SLC6A5: variants seen among roughly 807,000 people sequenced by gnomAD.
SLC6A5 encodes sodium- and chloride-dependent glycine transporter 2.
SLC6A5 carries 58 observed loss-of-function variants against 90.5 expected under a neutral mutation model. The ratio of observed to expected loss-of-function variants is 0.64; its 90% CI spans 0.52 to 0.80. The LOEUF is 0.80. SLC6A5 is among the 30% of genes least tolerant of loss of function. The pLI is 0.00. For synonymous variants in SLC6A5, 427 were observed against 401.4 expected (o/e 1.06, Z -0.76); for missense variants, 1,015 against 1,017.6 (o/e 1.00, Z 0.03).
At chr11:20,610,891 G>T (rs1427993841) in intron 5 of SLC6A5, among the ~76,000 whole-genome samples, 1 of 152,124 alleles carries the variant, frequency 6.6e-6, no homozygotes, top group Non-Finnish European at 1.5e-5. Context: ...ATCCTGCAAT[G>T]CACAGGACGG....
Position 20,608,509 on chromosome 11 carries a change from C to T in SLC6A5, c.985+857C>T, listed in dbSNP as rs558440863. 1.2e-4 allele frequency among the ~76,000 whole-genome samples: 18 copies of T among 152,348 alleles called. No homozygotes were observed. In the South Asian group the frequency reaches 3.7e-3, roughly 32 times the overall value. ...AGAAATAAAAATGTTCTTCCTCTACCTACCTTGTGGGGATTGCTGTAAGGA... is the reference window on the plus strand; with the variant it reads ...AGAAATAAAAATGTTCTTCCTCTACTTACCTTGTGGGGATTGCTGTAAGGA... On this transcript the variant is annotated intron_variant, in intron 5 of 15. Coordinates refer to ENST00000525748, the MANE Select transcript of SLC6A5 (RefSeq NM_004211.5).
chr11:20,640,687 CT>C (rs1357769649), intron 13 of SLC6A5, among the ~76,000 whole-genome samples: 13 of 84,656 alleles, frequency 1.5e-4, no homozygotes, highest in Admixed American at 8.1e-4. Flanking sequence ...GCTAACATGA[CT>C]GTTTGAGGTA....
chr11:20,650,063 C>A (rs1365906898), intron 14 of SLC6A5, among the ~76,000 whole-genome samples: 1 of 152,186 alleles, frequency 6.6e-6, no homozygotes, highest in Non-Finnish European at 1.5e-5. Context: ...GCACTTCACA[C>A]TTTTCTAAAA....
intron 14 of SLC6A5, among the ~76,000 whole-genome samples, chr11:20,650,764 T>C (rs1356396341): frequency 6.8e-6 from 1 of 147,732 alleles, no homozygotes; most frequent in Non-Finnish European, 1.5e-5. Flanking sequence ...CCTCCCGGGT[T>C]CACGCCATTC....
chr11:20,626,762 C>T lies in SLC6A5; in HGVS notation c.1315C>T (p.Arg439Ter), dbSNP rs142573911. The T allele has an allele frequency of 4.3e-5, 69 of 1,613,444 alleles. No homozygotes were observed. The highest frequency in any genetic ancestry group is 6.6e-5 in the South Asian group (6 of 91,072). ...PYVVLVILLI[R>*]GVTLPGAGAG... ...TGTCGTACTCGTGATCCTCCTCATC[C>T]GAGGAGTCACCCTGCCTGGAGCTGG... Residue 439 changes from arginine to a stop codon, truncating the protein, a stop_gained, in exon 8 of 16, where the codon CGA (arginine) becomes TGA (stop). Transcript: ENST00000525748. LOFTEE classifies it high-confidence loss of function.
At chr11:20,604,210 CG>C (rs986106644) in intron 2 of SLC6A5, 75 bp from the exon 3 acceptor site, 26 of 1,517,024 alleles carry the variant, frequency 1.7e-5, no homozygotes, top group South Asian at 6.5e-5. Flanking sequence ...GGACCCCTAG[CG>C]GGGGGGAGGG....
At chr11:20,624,878 T>G (rs908841859) in intron 7 of SLC6A5, among the ~76,000 whole-genome samples, 1 of 152,218 alleles carries the variant, frequency 6.6e-6, no homozygotes, top group Admixed American at 6.5e-5. Context: ...CTGTTTCCAG[T>G]GCCCTGGGCC....
intron 5 of SLC6A5, among the ~76,000 whole-genome samples, chr11:20,608,946 CTCTCTCTCTCTCTGTG>C (rs1196370199): frequency 3.2e-4 from 37 of 114,164 alleles, no homozygotes; most frequent in African/African-American, 1.0e-3. Flanking sequence ...CTCTCTCTCT[CTCTCTCTCTCTCTGTG>C]TGTGTGTGTG....
intron 15 of SLC6A5, among the ~76,000 whole-genome samples, 185 bp from the exon 16 acceptor site, chr11:20,654,528 T>C (rs1030696121): frequency 2.6e-5 from 4 of 152,098 alleles, no homozygotes; most frequent in African/African-American, 9.7e-5. Context: ...TCCTTTTTAA[T>C]GTCTCTGGCC....
At chr11:20,647,348 TTATA>T (rs560488446) in intron 14 of SLC6A5, among the ~76,000 whole-genome samples, 1 of 71,026 alleles carries the variant, frequency 1.4e-5, no homozygotes, top group Admixed American at 2.3e-4. Flanking sequence ...TATATTCCTA[TTATA>T]TAGTTATATA....
At chr11:20,610,459 G>A (rs1272126341) in intron 5 of SLC6A5, among the ~76,000 whole-genome samples, 1 of 152,232 alleles carries the variant, frequency 6.6e-6, no homozygotes, top group Non-Finnish European at 1.5e-5. Context: ...GAGGCTGCCT[G>A]CGTGCTTCAC....
intron 7 of SLC6A5, among the ~76,000 whole-genome samples, chr11:20,619,751 A>T (rs759228148): frequency 6.6e-6 from 1 of 152,034 alleles, no homozygotes; most frequent in African/African-American, 2.4e-5. Flanking sequence ...TAATTCTAAG[A>T]TTATTCTGTT....
At chr11:20,625,580 G>A (rs1477520297) in intron 7 of SLC6A5, among the ~76,000 whole-genome samples, 7 of 152,090 alleles carry the variant, frequency 4.6e-5, no homozygotes, top group Admixed American at 1.3e-4. Flanking sequence ...GTTTCTTGAC[G>A]CTGGTCCCTC....
intron 14 of SLC6A5, among the ~76,000 whole-genome samples, chr11:20,650,242 C>T (rs1456019733): frequency 3.3e-5 from 5 of 152,186 alleles, no homozygotes; most frequent in Admixed American, 1.3e-4. Context: ...GGGAGCCATA[C>T]ACTTTTCAGG....
At chr11:20,637,967 G>A (rs1853241587) in intron 12 of SLC6A5, among the ~76,000 whole-genome samples, 1 of 152,006 alleles carries the variant, frequency 6.6e-6, no homozygotes, top group South Asian at 2.1e-4. Context: ...TAAAATAATG[G>A]ATTGGAATGT....
Position 20,604,527 on chromosome 11 carries a change from A to AGGACAGCCTCCTTAGGCTCC in SLC6A5, c.679+104_679+123dup. The AGGACAGCCTCCTTAGGCTCC allele has an allele frequency of 3.5e-6, 5 of 1,415,800 alleles. 1 individual carries two copies. The South Asian group carries it at 6.5e-5, about 18-fold the overall frequency. 87.7% of individuals were successfully genotyped at this position (1,415,800 alleles called of 1,614,324 possible). ...GCAGGGCCGCCGGGCGGGGAGGCTC[A>AGGACAGCCTCCTTAGGCTCC]GGACAGCCTCCTTAGGCTCCAGCCC... On this transcript the variant is annotated intron_variant, in intron 3 of 15. Coordinates refer to ENST00000525748, the MANE Select transcript of SLC6A5 (RefSeq NM_004211.5).
intron 2 of SLC6A5, 104 bp downstream of exon 2, chr11:20,601,769 T>C: frequency 9.6e-6 from 12 of 1,247,068 alleles, no homozygotes; most frequent in Non-Finnish European, 1.4e-5. Context: ...GGGAAACCGG[T>C]TGGCAGTGCC....
intron 10 of SLC6A5, among the ~76,000 whole-genome samples, chr11:20,634,312 C>T (rs1390229773): frequency 1.3e-5 from 2 of 152,216 alleles, no homozygotes; most frequent in African/African-American, 4.8e-5. Flanking sequence ...ATGTTATTCT[C>T]TAGATGACTC....
At chr11:20,646,786 C>T (rs1448051943) in intron 13 of SLC6A5, 48 bp from the exon 14 acceptor site, 7 of 1,349,778 alleles carry the variant, frequency 5.2e-6, no homozygotes, top group Non-Finnish European at 7.5e-6. Flanking sequence ...ACCACCTCAC[C>T]TTCCTGCTAC....
Sources: allele counts gnomAD v4.1 joint callset (sites outside exome capture counted in the v4.1 genomes callset), GRCh38; gene constraint gnomAD v4.1.1; transcripts MANE v1.5; gene names NCBI Gene and HGNC (gene_info 2026-07-23, HGNC 2026-07-21).